The following ROBO2 variants were observed in gnomAD, a reference collection of about 807,000 sequenced individuals.
The protein encoded by ROBO2 is roundabout guidance receptor 2, also known as roundabout homolog 2.
A neutral mutation model predicts 160.8 loss-of-function variants in ROBO2; 53 were observed. The observed-to-expected ratio is 0.33, with a 90% CI of 0.26 to 0.41. ROBO2 has a LOEUF of 0.41. Among genes scored for constraint, ROBO2 ranks in the 10% least tolerant of loss-of-function variants. The pLI is 1.00. For synonymous variants in ROBO2, 664 were observed against 611.7 expected (o/e 1.09, Z -1.26); for missense variants, 1,577 against 1,722.4 (o/e 0.92, Z 1.49).
chr3:76,914,553 G>A (rs2076193462), intron 2 of ROBO2, among the ~76,000 whole-genome samples: 1 of 151,728 alleles, frequency 6.6e-6, no homozygotes. Context: ...AATAATTATT[G>A]GATCTTGTTG....
At chr3:76,441,641 A>G (rs2076930461) in intron 2 of ROBO2, among the ~76,000 whole-genome samples, 1 of 152,158 alleles carries the variant, frequency 6.6e-6, no homozygotes, top group Admixed American at 6.6e-5. Context: ...TTGAATAAAA[A>G]CTGTGTGAGT....
At chr3:77,069,382 A>G (rs1465519876) in intron 1 of ROBO2, among the ~76,000 whole-genome samples, 1 of 152,188 alleles carries the variant, frequency 6.6e-6, no homozygotes, top group African/African-American at 2.4e-5. Context: ...AAATCTTCAT[A>G]ATCATGTGGG....
chr3:77,565,772 C>A (rs1487466755), intron 12 of ROBO2, among the ~76,000 whole-genome samples: 2 of 152,048 alleles, frequency 1.3e-5, no homozygotes, highest in African/African-American at 4.8e-5. Flanking sequence ...TTCTAAAGAA[C>A]TCAATTCTTT....
intron 2 of ROBO2, among the ~76,000 whole-genome samples, chr3:77,312,169 G>A (rs1239895286): frequency 2.0e-5 from 3 of 152,020 alleles, no homozygotes; most frequent in Non-Finnish European, 4.4e-5. Flanking sequence ...GACAGCCAGG[G>A]GAATTCCAGA....
At chr3:77,120,238 C>T (rs1260144309) in intron 2 of ROBO2, among the ~76,000 whole-genome samples, 1 of 152,210 alleles carries the variant, frequency 6.6e-6, no homozygotes, top group East Asian at 1.9e-4. Context: ...GTCCTACGGG[C>T]AAGGTAGTTT....
intron 2 of ROBO2, among the ~76,000 whole-genome samples, chr3:76,153,347 A>G (rs532010571): frequency 6.6e-5 from 10 of 152,316 alleles, no homozygotes; most frequent in African/African-American, 1.4e-4. Context: ...TTTTCATACC[A>G]GCAGAAATGA....
intron 1 of ROBO2, among the ~76,000 whole-genome samples, chr3:77,075,291 CAT>C (rs2067848876): frequency 6.6e-6 from 1 of 152,090 alleles, no homozygotes; most frequent in African/African-American, 2.4e-5. Context: ...GCTGTACAGA[CAT>C]AGGGATACTT....
intron 2 of ROBO2, among the ~76,000 whole-genome samples, chr3:76,126,062 C>T (rs1051021293): frequency 4.6e-5 from 7 of 152,100 alleles, no homozygotes; most frequent in Admixed American, 1.3e-4. Flanking sequence ...GATCCACCCT[C>T]CTCGGCCTCC....
intron 2 of ROBO2, among the ~76,000 whole-genome samples, chr3:76,234,357 A>G (rs1704805787): frequency 6.6e-6 from 1 of 152,112 alleles, no homozygotes. Flanking sequence ...TTCTGTTTAG[A>G]TTCTTTGAGG....
At chr3:76,062,170 G>C (rs978228146) in intron 2 of ROBO2, among the ~76,000 whole-genome samples, 1 of 152,092 alleles carries the variant, frequency 6.6e-6, no homozygotes, top group Non-Finnish European at 1.5e-5. Context: ...ATACGGCCTA[G>C]TTCTGCCTAC....
At chr3:76,533,500 G>T (rs1363471794) in intron 2 of ROBO2, among the ~76,000 whole-genome samples, 1 of 152,168 alleles carries the variant, frequency 6.6e-6, no homozygotes, top group Non-Finnish European at 1.5e-5. Flanking sequence ...ACACCTGAAA[G>T]ATTATAAAAA....
At chr3:77,083,561 G>A (rs2068917236) in intron 1 of ROBO2, among the ~76,000 whole-genome samples, 2 of 152,084 alleles carry the variant, frequency 1.3e-5, no homozygotes, top group South Asian at 4.1e-4. Context: ...AGAGAGAAAC[G>A]ATGAGGCATT....
chr3:76,905,033 T>C (rs889361382), intron 2 of ROBO2, among the ~76,000 whole-genome samples: 5 of 152,198 alleles, frequency 3.3e-5, no homozygotes, highest in African/African-American at 1.2e-4. Context: ...ACTTTTTCTT[T>C]CTTTCTGTTT....
intron 2 of ROBO2, among the ~76,000 whole-genome samples, chr3:76,585,264 A>C (rs2108768208): frequency 6.6e-6 from 1 of 152,304 alleles, no homozygotes; most frequent in Non-Finnish European, 1.5e-5. Flanking sequence ...CTTTTTGGAA[A>C]AAAGTTAATA....
chr3:76,617,094 C>G (rs1303594846), intron 2 of ROBO2, among the ~76,000 whole-genome samples: 2 of 152,052 alleles, frequency 1.3e-5, no homozygotes, highest in African/African-American at 4.8e-5. Context: ...GATATATTCA[C>G]TATAAGTCAC....
At chr3:76,419,719 C>CAGGGCGATTTAGCCTCATATG in intron 2 of ROBO2, among the ~76,000 whole-genome samples, 1 of 152,028 alleles carries the variant, frequency 6.6e-6, no homozygotes, top group Admixed American at 6.6e-5. Context: ...TCAAATGCAT[C>CAGGGCGATTTAGCCTCATATG]AGGGCGATTT....
At chr3:76,262,388 A>G (rs1019230322) in intron 2 of ROBO2, among the ~76,000 whole-genome samples, 3 of 152,102 alleles carry the variant, frequency 2.0e-5, no homozygotes, top group Non-Finnish European at 2.9e-5. Context: ...TTGAATTTCC[A>G]TGCACTGTCT....
chr3:77,599,205 T>C (rs1414478419), intron 19 of ROBO2, among the ~76,000 whole-genome samples: 1 of 148,694 alleles, frequency 6.7e-6, no homozygotes, highest in Non-Finnish European at 1.5e-5. Flanking sequence ...ATTTTTTGTA[T>C]ATTTTAATTC....
intron 16 of ROBO2, among the ~76,000 whole-genome samples, chr3:77,587,829 C>T (rs575202009): frequency 2.0e-5 from 3 of 152,172 alleles, no homozygotes; most frequent in African/African-American, 7.2e-5. Context: ...TCATTAATCA[C>T]TAATTAGGCA....
Sources: gnomAD v4.1 joint callset for allele counts (sites outside exome capture counted in the v4.1 genomes callset) on GRCh38, gnomAD v4.1.1 for gene constraint, MANE v1.5 for transcripts, NCBI Gene and HGNC (gene_info 2026-07-23, HGNC 2026-07-21) for gene names.